Variants in JADE1 observed in about 807,000 individuals in gnomAD.
The protein encoded by JADE1 is jade family PHD finger 1.
A neutral mutation model predicts 81.8 loss-of-function variants in JADE1; 14 were observed. The observed-to-expected ratio is 0.17, with a 90% CI of 0.11 to 0.27. The LOEUF (loss-of-function observed/expected upper bound fraction) is 0.27. Among genes scored for constraint, JADE1 ranks in the 10% least tolerant of loss-of-function variants. The pLI, the probability that JADE1 is intolerant of heterozygous loss-of-function variation, is 1.00. For synonymous variants in JADE1, 353 were observed against 391.9 expected (o/e 0.90, Z 1.17); for missense variants, 690 against 1,047.9 (o/e 0.66, Z 4.71).
At chr4:128,812,945 C>G (rs140903905) in intron 1 of JADE1, among the ~76,000 whole-genome samples, 1,941 of 152,308 alleles carry the variant, frequency 0.013, 52 homozygotes, top group African/African-American at 0.045. Context: ...AATGGGAATG[C>G]TTAGGGGGTT....
intron 3 of JADE1, among the ~76,000 whole-genome samples, chr4:128,844,598 C>T (rs1457278112): frequency 6.6e-6 from 1 of 152,054 alleles, no homozygotes; most frequent in Non-Finnish European, 1.5e-5. Flanking sequence ...CTGATTGGCT[C>T]TTGAAGGTAT....
chr4:128,834,859 G>A (rs1013129812), intron 2 of JADE1, among the ~76,000 whole-genome samples: 26 of 152,116 alleles, frequency 1.7e-4, no homozygotes, highest in African/African-American at 6.3e-4. Flanking sequence ...AAATATATAT[G>A]TTCAGGATGG....
At chr4:128,811,989 G>A (rs1183991825) in intron 1 of JADE1, 2 of 152,092 alleles carry the variant, frequency 1.3e-5, no homozygotes, top group Non-Finnish European at 2.9e-5. Context: ...CGCCCCGGAG[G>A]GACTCGGGGA....
chr4:128,861,127 G>T (rs138273814), intron 8 of JADE1, among the ~76,000 whole-genome samples: 1 of 152,300 alleles, frequency 6.6e-6, no homozygotes, highest in Non-Finnish European at 1.5e-5. Context: ...TCCCAAGGAG[G>T]TTCTTATTCA....
intron 10 of JADE1, among the ~76,000 whole-genome samples, chr4:128,870,374 A>T (rs1732099606): frequency 1.3e-5 from 2 of 149,654 alleles, no homozygotes; most frequent in South Asian, 4.3e-4. Flanking sequence ...TGGGGGCTGA[A>T]CCTTGTTTTC....
intron 1 of JADE1, among the ~76,000 whole-genome samples, chr4:128,812,385 G>A (rs1237636316): frequency 6.6e-6 from 1 of 151,856 alleles, no homozygotes; most frequent in Non-Finnish European, 1.5e-5. Context: ...GCGGGCGGCG[G>A]GAGCCGCGCG....
chr4:128,813,045 GGCTAATACCTTTCAAA>G (rs1215654370), intron 1 of JADE1, among the ~76,000 whole-genome samples: 1 of 152,186 alleles, frequency 6.6e-6, no homozygotes, highest in Non-Finnish European at 1.5e-5. Flanking sequence ...TGTAGCTCAA[GGCTAATACCTTTCAAA>G]GCTAATGAAC....
chr4:128,814,038 T>G (rs1404521610), intron 1 of JADE1, among the ~76,000 whole-genome samples: 2 of 150,718 alleles, frequency 1.3e-5, no homozygotes, highest in African/African-American at 4.9e-5. Flanking sequence ...ATGTGTTCAT[T>G]TAAAAGAAAA....
chr4:128,835,289 G>A (rs964204171), intron 2 of JADE1, among the ~76,000 whole-genome samples: 22 of 152,182 alleles, frequency 1.4e-4, no homozygotes, highest in African/African-American at 4.8e-4. Context: ...GTCTGTCCAC[G>A]CTCAATGATT....
rs778593130 is a variant in JADE1 at position 128,871,671 on chromosome 4, A to G, written c.1938A>G (p.Gln646=). The G allele has an allele frequency of 5.6e-6, 9 of 1,614,088 alleles. No individual in the cohort carries two copies. The highest frequency in any genetic ancestry group is 1.3e-5 in the African/African-American group (1 of 74,936). The change falls in exon 11 of 11, where the codon CAA becomes CAG. Residue 646 remains glutamine, a synonymous_variant. Coordinates refer to ENST00000226319, the MANE Select transcript of JADE1 (RefSeq NM_199320.4). The surrounding 1 kb of genome is among the most constrained non-coding windows in gnomAD (Gnocchi z 4.1). ...TFAEARLISA[Q]QKNGVVMPDH... Reference sequence around the variant, plus strand: ...CAGAAGCACGTCTCATATCAGCACAACAGAAAAATGGTGTGGTGATGCCAG... The same window carrying G: ...CAGAAGCACGTCTCATATCAGCACAGCAGAAAAATGGTGTGGTGATGCCAG...
At chr4:128,865,495 A>G (rs1224085503) in intron 9 of JADE1, among the ~76,000 whole-genome samples, 2 of 151,720 alleles carry the variant, frequency 1.3e-5, no homozygotes, top group Middle Eastern at 3.2e-3. Context: ...AGCTTGGTGG[A>G]ACGGGTGCAG....
chr4:128,811,645 G>GA (rs1191681436), intron 1 of JADE1, among the ~76,000 whole-genome samples: 49 of 28,120 alleles, frequency 1.7e-3, no homozygotes, highest in African/African-American at 2.1e-3. Flanking sequence ...GGGGTGGGGG[G>GA]TTGCGGGGGC....
intron 2 of JADE1, among the ~76,000 whole-genome samples, chr4:128,841,628 G>T (rs1258826497): frequency 1.3e-5 from 2 of 152,198 alleles, no homozygotes; most frequent in African/African-American, 4.8e-5. Flanking sequence ...GAATACCTTA[G>T]GATTGATGTC....
intron 9 of JADE1, chr4:128,863,211 C>T: frequency 3.0e-6 from 3 of 985,562 alleles, no homozygotes; most frequent in Non-Finnish European, 3.6e-6. Flanking sequence ...CGTGGGCTGC[C>T]TCCCGCTAGG....
chr4:128,811,476 G>C lies in JADE1; in HGVS notation c.-27+1599G>C, dbSNP rs1484139910. 7 of 152,230 alleles carry C rather than the reference G, an allele frequency of 4.6e-5. No individual in the cohort carries two copies. In the South Asian group the frequency reaches 1.2e-3, roughly 27 times the overall value. The allele number at this position is 152,230 out of a possible 1,614,324, so 9.4% of individuals were successfully genotyped here. A position where few individuals can be genotyped will look rare whatever the true frequency, so the allele number is the denominator to read the frequency against. On this transcript the variant is annotated intron_variant, in intron 1 of 10. Coordinates refer to ENST00000226319, the MANE Select transcript of JADE1 (RefSeq NM_199320.4). ...GGGAGCGAGCCTCCGCGGCACGTGGGCAGGTGCTGGGTGGCCCCGGGGCCA... is the reference window on the plus strand; with the variant it reads ...GGGAGCGAGCCTCCGCGGCACGTGGCCAGGTGCTGGGTGGCCCCGGGGCCA...
At chr4:128,811,073 G>A (rs1051945426) in intron 1 of JADE1, among the ~76,000 whole-genome samples, 2 of 152,192 alleles carry the variant, frequency 1.3e-5, no homozygotes, top group African/African-American at 2.4e-5. Flanking sequence ...CTGTGTTTGC[G>A]AGTTGGGGGC....
At position 128,831,715 on chromosome 4, in the gene JADE1, T is replaced by C; in HGVS notation, c.-26-18T>C. 6.2e-7 allele frequency: 1 copy of C among 1,611,878 alleles called. No homozygotes were observed. The highest frequency in any genetic ancestry group is 1.3e-5 in the African/African-American group (1 of 75,030). ...TGTATTATCATCTTGGGTTAAGTGC[T>C]GTCTCATTGCTTTGCAGGCTGCCTG... is the stretch of plus-strand genomic sequence containing the variant. On this transcript the variant is annotated intron_variant, in intron 1 of 10. Transcript: ENST00000226319.
intron 2 of JADE1, among the ~76,000 whole-genome samples, chr4:128,842,252 T>C (rs1329111499): frequency 6.6e-6 from 1 of 152,212 alleles, no homozygotes. Context: ...AAACAGTGTT[T>C]TAGAAAGCTT....
intron 1 of JADE1, among the ~76,000 whole-genome samples, chr4:128,813,708 A>C (rs2125783275): frequency 6.6e-6 from 1 of 152,064 alleles, no homozygotes; most frequent in African/African-American, 2.4e-5. Flanking sequence ...GGCGTGAGCC[A>C]CCACGCCCAG....
Sources: allele counts gnomAD v4.1 joint callset (sites outside exome capture counted in the v4.1 genomes callset), GRCh38; gene constraint gnomAD v4.1.1; non-coding constraint Gnocchi (gnomAD v3.1); transcripts MANE v1.5; gene names NCBI Gene and HGNC (gene_info 2026-07-23, HGNC 2026-07-21).